The following C11orf65 variants were observed in gnomAD, a reference collection of about 807,000 sequenced individuals.
C11orf65 encodes the protein chromosome 11 open reading frame 65.
A neutral mutation model predicts 35.3 loss-of-function variants in C11orf65; 38 were observed. The ratio of observed to expected loss-of-function variants is 1.08; its 90% CI spans 0.83 to 1.41. The LOEUF is 1.41. Ranked by LOEUF, C11orf65 falls within the 40% of genes most tolerant of loss-of-function variation. The probability of loss-of-function intolerance (pLI) is 0.00; values close to 1 mark genes in which losing one functional copy is unlikely to be tolerated. For synonymous variants in C11orf65, 105 were observed against 114.4 expected, an observed-to-expected ratio of 0.92 and a Z score of 0.53; for missense variants, 370 against 367.1, an observed-to-expected ratio of 1.01 and a Z score of -0.06.
At chr11:108,385,089 G>T (rs552814445) in intron 8 of C11orf65, among the ~76,000 whole-genome samples, 1 of 152,126 alleles carries the variant, frequency 6.6e-6, no homozygotes, top group East Asian at 1.9e-4. Flanking sequence ...AAAACTATAA[G>T]TAACTTTTTT....
chr11:108,437,940 T>C (rs1372787357), intron 2 of C11orf65, among the ~76,000 whole-genome samples: 1 of 151,938 alleles, frequency 6.6e-6, no homozygotes, highest in Non-Finnish European at 1.5e-5. Flanking sequence ...CCAAACAGTC[T>C]TGAAAAAGAA....
At chr11:108,356,532 GTC>G (rs1191630431) in intron 2 of C11orf65, among the ~76,000 whole-genome samples, 2 of 123,186 alleles carry the variant, frequency 1.6e-5, no homozygotes, top group African/African-American at 6.0e-5. Context: ...GCAAGACTCT[GTC>G]TGTCTTAAAA....
At chr11:108,451,135 A>G (rs1371226080) in intron 2 of C11orf65, among the ~76,000 whole-genome samples, 1 of 152,010 alleles carries the variant, frequency 6.6e-6, no homozygotes, top group Non-Finnish European at 1.5e-5. Context: ...CCTATTCAAC[A>G]TAGTGTTGGA....
intron 3 of C11orf65, chr11:108,331,971 A>C: frequency 6.2e-7 from 1 of 1,614,088 alleles, no homozygotes. Context: ...TTCTGACTAA[A>C]CCAGAGGTAG....
intron 2 of C11orf65, among the ~76,000 whole-genome samples, chr11:108,440,555 T>C (rs1479207924): frequency 6.6e-6 from 1 of 152,160 alleles, no homozygotes; most frequent in Non-Finnish European, 1.5e-5. Context: ...TCTGCTTAAG[T>C]GGGCTGTAAT....
At chr11:108,316,479 G>C (rs2084661424) in intron 6 of C11orf65, among the ~76,000 whole-genome samples, 1 of 152,070 alleles carries the variant, frequency 6.6e-6, no homozygotes, top group African/African-American at 2.4e-5. Flanking sequence ...CTCATAGTTT[G>C]CAACAGAGTT....
At chr11:108,405,035 T>C (rs938304784) in intron 6 of C11orf65, among the ~76,000 whole-genome samples, 6 of 152,252 alleles carry the variant, frequency 3.9e-5, no homozygotes, top group Admixed American at 2.6e-4. Flanking sequence ...GGCGAAGTTT[T>C]ACCTAGTTAG....
downstream of C11orf65, among the ~76,000 whole-genome samples, chr11:108,328,257 T>C (rs2085882302): frequency 6.6e-6 from 1 of 152,172 alleles, no homozygotes; most frequent in Non-Finnish European, 1.5e-5. Context: ...TTTTCTTTTC[T>C]TTTCTTTGAG....
intron 6 of C11orf65, chr11:108,325,649 T>G (rs2085602522): frequency 3.1e-6 from 3 of 973,786 alleles, no homozygotes; most frequent in Non-Finnish European, 4.6e-6. Flanking sequence ...GAGATAGAGA[T>G]CTCTATTAAT....
intron 2 of C11orf65, among the ~76,000 whole-genome samples, chr11:108,377,382 C>T (rs1490310461): frequency 6.6e-6 from 1 of 152,148 alleles, no homozygotes; most frequent in African/African-American, 2.4e-5. Context: ...ACAAAAAACA[C>T]ATGATTATCT....
chr11:108,434,759 T>A (rs1373436743), intron 2 of C11orf65, among the ~76,000 whole-genome samples: 5 of 152,242 alleles, frequency 3.3e-5, no homozygotes, highest in Non-Finnish European at 7.3e-5. Flanking sequence ...GATCCTTCCA[T>A]GTGCACAGTG....
At chr11:108,349,378 G>T (rs983091352) in intron 2 of C11orf65, among the ~76,000 whole-genome samples, 1 of 152,120 alleles carries the variant, frequency 6.6e-6, no homozygotes, top group Non-Finnish European at 1.5e-5. Flanking sequence ...TAAGAATGTG[G>T]AATCTGCCAG....
At chr11:108,335,302 AAT>A (rs1158961560) in intron 2 of C11orf65, 11 of 1,495,058 alleles carry the variant, frequency 7.4e-6, no homozygotes, top group Non-Finnish European at 9.8e-6. Context: ...TCTGAAAGAC[AAT>A]CATTATTATA....
intron 2 of C11orf65, among the ~76,000 whole-genome samples, chr11:108,447,950 A>T (rs1436964862): frequency 1.3e-5 from 2 of 152,218 alleles, no homozygotes; most frequent in African/African-American, 4.8e-5. Flanking sequence ...GATAAAGGGG[A>T]TATCACCACC....
At chr11:108,350,676 G>A (rs998297188) in intron 2 of C11orf65, among the ~76,000 whole-genome samples, 1 of 152,184 alleles carries the variant, frequency 6.6e-6, no homozygotes, top group Non-Finnish European at 1.5e-5. Context: ...CAGAGTAAAC[G>A]TGAAGATGGA....
intron 2 of C11orf65, among the ~76,000 whole-genome samples, chr11:108,432,326 A>AT (rs1384605379): frequency 6.6e-6 from 1 of 152,198 alleles, no homozygotes; most frequent in Non-Finnish European, 1.5e-5. Flanking sequence ...ACATGAATTA[A>AT]TATTTGTAGA....
rs111690531 is a variant in C11orf65, at chr11:108,412,785, C to G, written c.175-5636G>C. On this transcript the variant is annotated intron_variant, in intron 3 of 8. Transcript: ENST00000393084. ...AGAAGAAAGATATATGATACTAACA[C>G]TAATAGAACGAAAGCTGAGCTGCTA... is the stretch of plus-strand genomic sequence containing the variant. Among the ~76,000 whole-genome samples, 1,267 of 152,206 alleles carry G rather than the reference C, an allele frequency of 8.3e-3. 15 individuals are homozygous for G. The highest frequency in any genetic ancestry group is 0.029 in the African/African-American group (1,201 of 41,524).
intron 2 of C11orf65, among the ~76,000 whole-genome samples, chr11:108,456,087 G>A (rs2093408828): frequency 6.6e-6 from 1 of 152,014 alleles, no homozygotes; most frequent in Non-Finnish European, 1.5e-5. Flanking sequence ...CCTGGGAGGT[G>A]GAGATTTCAG....
intron 2 of C11orf65, among the ~76,000 whole-genome samples, chr11:108,432,295 C>T (rs1448501411): frequency 6.6e-6 from 1 of 152,148 alleles, no homozygotes; most frequent in Non-Finnish European, 1.5e-5. Context: ...GTAGCCATCT[C>T]ATACAGCTTT....
Sources: allele counts gnomAD v4.1 joint callset (sites outside exome capture counted in the v4.1 genomes callset), GRCh38; gene constraint gnomAD v4.1.1; transcripts MANE v1.5; gene names NCBI Gene and HGNC (gene_info 2026-07-23, HGNC 2026-07-21).